The following SNTG1 variants were observed in gnomAD, a reference collection of about 807,000 sequenced individuals.
SNTG1 encodes gamma-1-syntrophin.
Under a neutral mutation model 74.7 loss-of-function variants are expected in SNTG1, and 39 were observed. That is an observed-to-expected ratio of 0.52 (90% confidence interval 0.40 to 0.68). The LOEUF is 0.68. SNTG1 is among the 30% of genes least tolerant of loss of function. The pLI, the probability that SNTG1 is intolerant of heterozygous loss-of-function variation, is 0.00. For missense variants in SNTG1, 685 were observed against 609.5 expected (o/e 1.12, Z -1.30); for synonymous variants, 254 against 217.1 (o/e 1.17, Z -1.49).
intron 2 of SNTG1, among the ~76,000 whole-genome samples, chr8:50,342,064 T>A (rs1200808619): frequency 1.3e-5 from 2 of 152,110 alleles, no homozygotes; most frequent in Admixed American, 1.3e-4. Flanking sequence ...ATAATCACTA[T>A]GTGTACAGTA....
At chr8:50,016,914 A>G (rs1816375921) in intron 1 of SNTG1, among the ~76,000 whole-genome samples, 1 of 152,242 alleles carries the variant, frequency 6.6e-6, no homozygotes. Context: ...CACGTCAGAA[A>G]CCAAGGAAGC....
At chr8:50,181,701 G>A (rs1422420425) in intron 2 of SNTG1, among the ~76,000 whole-genome samples, 3 of 152,118 alleles carry the variant, frequency 2.0e-5, no homozygotes, top group Non-Finnish European at 4.4e-5. Flanking sequence ...GAAAAATGAT[G>A]AGAAAATGAA....
intron 15 of SNTG1, among the ~76,000 whole-genome samples, chr8:50,695,917 G>A (rs1451667639): frequency 6.6e-6 from 1 of 151,858 alleles, no homozygotes; most frequent in African/African-American, 2.4e-5. Context: ...GAATAGTGCT[G>A]TGATAAACAT....
At chr8:50,205,076 T>C (rs1237541856) in intron 2 of SNTG1, among the ~76,000 whole-genome samples, 1 of 152,192 alleles carries the variant, frequency 6.6e-6, no homozygotes, top group Admixed American at 6.5e-5. Flanking sequence ...ATCTTTTGGG[T>C]ATACACCCAG....
chr8:50,085,144 A>C (rs1159631194), intron 1 of SNTG1, among the ~76,000 whole-genome samples: 1 of 152,220 alleles, frequency 6.6e-6, no homozygotes, highest in Non-Finnish European at 1.5e-5. Flanking sequence ...TAATTATGGA[A>C]GAATTTAGAT....
chr8:50,725,723 AT>A (rs2095498524), intron 17 of SNTG1, among the ~76,000 whole-genome samples: 1 of 152,192 alleles, frequency 6.6e-6, no homozygotes, highest in Non-Finnish European at 1.5e-5. Context: ...TTCCCCTGCA[AT>A]AGACCTGAAG....
intron 15 of SNTG1, among the ~76,000 whole-genome samples, chr8:50,693,432 T>G (rs1261316402): frequency 6.6e-6 from 1 of 152,128 alleles, no homozygotes; most frequent in Admixed American, 6.5e-5. Context: ...TGTGTAACAA[T>G]TGTAAATATA....
chr8:50,761,429 A>G (rs888979416), intron 18 of SNTG1, among the ~76,000 whole-genome samples: 20 of 151,872 alleles, frequency 1.3e-4, no homozygotes, highest in African/African-American at 4.3e-4. Flanking sequence ...GGCTTCACAT[A>G]TGCTGCTCAG....
intron 15 of SNTG1, 135 bp from the exon 16 acceptor site, chr8:50,704,465 C>A (rs919685778): frequency 2.8e-5 from 30 of 1,070,628 alleles, no homozygotes; most frequent in Non-Finnish European, 4.1e-5. Flanking sequence ...GGTATAATGT[C>A]TAATGAAGAC....
intron 2 of SNTG1, among the ~76,000 whole-genome samples, chr8:50,350,927 C>T (rs1452643401): frequency 6.6e-6 from 1 of 152,230 alleles, no homozygotes; most frequent in Non-Finnish European, 1.5e-5. Context: ...GCAGTGGCAA[C>T]CCGTAGGTCC....
At chr8:50,600,359 A>G (rs1323410355) in intron 13 of SNTG1, among the ~76,000 whole-genome samples, 1 of 151,988 alleles carries the variant, frequency 6.6e-6, no homozygotes. Flanking sequence ...GGAAGAGTTT[A>G]AGTAGGATTG....
intron 1 of SNTG1, among the ~76,000 whole-genome samples, chr8:50,165,245 C>G (rs555507172): frequency 3.9e-5 from 6 of 152,306 alleles, no homozygotes; most frequent in Admixed American, 1.3e-4. Context: ...CATCCCCAGC[C>G]AGAGATTCCC....
At chr8:50,375,930 G>A (rs1028688304) in intron 2 of SNTG1, among the ~76,000 whole-genome samples, 2 of 152,146 alleles carry the variant, frequency 1.3e-5, no homozygotes, top group African/African-American at 4.8e-5. Flanking sequence ...CAAGAAAAAG[G>A]AAAAGGACTT....
At chr8:50,196,515 T>C (rs929848406) in intron 2 of SNTG1, among the ~76,000 whole-genome samples, 5 of 152,154 alleles carry the variant, frequency 3.3e-5, no homozygotes, top group Non-Finnish European at 5.9e-5. Flanking sequence ...CTCTCTCTCA[T>C]TTGTTTTGGA....
At chr8:49,937,009 C>T (rs1159083273) in intron 1 of SNTG1, among the ~76,000 whole-genome samples, 1 of 152,030 alleles carries the variant, frequency 6.6e-6, no homozygotes, top group East Asian at 1.9e-4. Context: ...ATTCGCCGGA[C>T]GTGGTGGCAC....
intron 12 of SNTG1, among the ~76,000 whole-genome samples, chr8:50,576,309 G>A (rs1036494360): frequency 7.2e-5 from 11 of 152,046 alleles, no homozygotes; most frequent in African/African-American, 2.2e-4. Flanking sequence ...CTTATTTCTG[G>A]ACTCTATTCT....
chr8:50,433,440 T>C (rs2093264229), intron 4 of SNTG1, among the ~76,000 whole-genome samples: 1 of 151,682 alleles, frequency 6.6e-6, no homozygotes, highest in South Asian at 2.1e-4. Context: ...AAATATTACA[T>C]TTCTCCCCCT....
intron 2 of SNTG1, among the ~76,000 whole-genome samples, chr8:50,290,940 T>C (rs897989594): frequency 3.3e-5 from 5 of 152,020 alleles, no homozygotes; most frequent in African/African-American, 1.2e-4. Flanking sequence ...GTATTCTTTA[T>C]AAAGATGAGG....
intron 5 of SNTG1, among the ~76,000 whole-genome samples, chr8:50,444,958 G>A (rs1291791964): frequency 6.6e-6 from 1 of 151,888 alleles, no homozygotes; most frequent in Non-Finnish European, 1.5e-5. Context: ...ATTGTTTTTA[G>A]TATATCCGCA....
Sources: allele counts gnomAD v4.1 joint callset (sites outside exome capture counted in the v4.1 genomes callset), GRCh38; gene constraint gnomAD v4.1.1; transcripts MANE v1.5; gene names NCBI Gene and HGNC (gene_info 2026-07-23, HGNC 2026-07-21).